The following AGBL4 variants were observed in gnomAD, a reference collection of about 807,000 sequenced individuals.
AGBL4 encodes AGBL carboxypeptidase 4.
In AGBL4, 58 loss-of-function variants were observed where a neutral mutation model predicts 66.4. The observed-to-expected ratio is 0.87, with a 90% CI of 0.71 to 1.09. AGBL4 has a LOEUF of 1.09. Among genes scored for constraint, AGBL4 ranks in the 50% least tolerant of loss-of-function variants. The pLI, the probability that AGBL4 is intolerant of heterozygous loss-of-function variation, is 0.00. For missense variants in AGBL4, 579 were observed against 631.0 expected, an observed-to-expected ratio of 0.92 and a Z score of 0.88; for synonymous variants, 234 against 222.9, an observed-to-expected ratio of 1.05 and a Z score of -0.44.
At chr1:48,888,020 C>A (rs1650541949) in intron 5 of AGBL4, among the ~76,000 whole-genome samples, 1 of 152,100 alleles carries the variant, frequency 6.6e-6, no homozygotes, top group Non-Finnish European at 1.5e-5. Flanking sequence ...CCAAAAGCAA[C>A]CCTTGCAGTT....
chr1:50,014,171 G>A (rs1661757925), intron 1 of AGBL4, among the ~76,000 whole-genome samples: 1 of 152,044 alleles, frequency 6.6e-6, no homozygotes, highest in Admixed American at 6.5e-5. Flanking sequence ...AAGAGATCGA[G>A]ACCATCATGG....
intron 6 of AGBL4, among the ~76,000 whole-genome samples, chr1:48,788,974 T>C (rs1158596583): frequency 6.6e-6 from 1 of 152,172 alleles, no homozygotes; most frequent in East Asian, 1.9e-4. Context: ...AGGACTAAAA[T>C]CTATTGAACC....
At chr1:49,562,618 T>C (rs555017476) in intron 3 of AGBL4, among the ~76,000 whole-genome samples, 1 of 152,278 alleles carries the variant, frequency 6.6e-6, no homozygotes, top group East Asian at 1.9e-4. Context: ...CAGATATTTG[T>C]AGATATATGG....
chr1:48,742,767 G>T, intron 6 of AGBL4: 1 of 1,596,392 alleles, frequency 6.3e-7, no homozygotes, highest in South Asian at 1.1e-5. Context: ...GATCAATGGC[G>T]GGACCTAGGC....
At chr1:49,305,023 T>TA (rs1284920532) in intron 3 of AGBL4, among the ~76,000 whole-genome samples, 1 of 152,192 alleles carries the variant, frequency 6.6e-6, no homozygotes, top group African/African-American at 2.4e-5. Flanking sequence ...CACAATGCTG[T>TA]AAAATAAGAA....
chr1:49,222,650 G>A (rs982466020), intron 4 of AGBL4, among the ~76,000 whole-genome samples: 2 of 152,104 alleles, frequency 1.3e-5, no homozygotes, highest in Non-Finnish European at 2.9e-5. Context: ...AACAAATCCT[G>A]TGAAAGCCAA....
chr1:49,934,042 T>A (rs1653660758), intron 1 of AGBL4, among the ~76,000 whole-genome samples: 1 of 152,148 alleles, frequency 6.6e-6, no homozygotes, highest in Admixed American at 6.5e-5. Flanking sequence ...AGGACACATG[T>A]GGGCTGAAAA....
At chr1:49,121,147 C>T (rs540011797) in intron 4 of AGBL4, among the ~76,000 whole-genome samples, 7 of 152,128 alleles carry the variant, frequency 4.6e-5, no homozygotes, top group Admixed American at 1.3e-4. Context: ...GTGATGGGTT[C>T]GAACATGCTC....
At chr1:49,753,290 C>T (rs756640676) in intron 2 of AGBL4, among the ~76,000 whole-genome samples, 7 of 152,130 alleles carry the variant, frequency 4.6e-5, no homozygotes, top group Non-Finnish European at 1.0e-4. Context: ...TCAGCATTTG[C>T]TTGTCTGTGA....
intron 1 of AGBL4, among the ~76,000 whole-genome samples, chr1:49,923,019 T>A (rs1342804812): frequency 1.3e-5 from 2 of 152,174 alleles, no homozygotes; most frequent in African/African-American, 4.8e-5. Flanking sequence ...AAGACAATCC[T>A]AAGCAAAAAC....
At chr1:49,266,798 AC>A (rs1643930181) in intron 3 of AGBL4, among the ~76,000 whole-genome samples, 1 of 152,194 alleles carries the variant, frequency 6.6e-6, no homozygotes, top group South Asian at 2.1e-4. Flanking sequence ...AAGAGATCAG[AC>A]TGTGTCATTA....
At chr1:49,222,640 A>G (rs1211106702) in intron 4 of AGBL4, among the ~76,000 whole-genome samples, 1 of 152,182 alleles carries the variant, frequency 6.6e-6, no homozygotes. Flanking sequence ...AAAACATTAA[A>G]ACAAATCCTG....
intron 11 of AGBL4, among the ~76,000 whole-genome samples, chr1:48,558,909 A>G (rs1225414136): frequency 2.6e-5 from 4 of 152,102 alleles, no homozygotes; most frequent in African/African-American, 9.7e-5. Context: ...GTTTCATCAC[A>G]CCTCTTAATT....
At chr1:48,771,842 G>C (rs1168783288) in intron 6 of AGBL4, among the ~76,000 whole-genome samples, 1 of 152,200 alleles carries the variant, frequency 6.6e-6, no homozygotes, top group East Asian at 1.9e-4. Flanking sequence ...AAAGCAATAA[G>C]AACATGGCTT....
intron 1 of AGBL4, among the ~76,000 whole-genome samples, chr1:49,915,646 C>G (rs763028717): frequency 6.6e-6 from 1 of 152,194 alleles, no homozygotes; most frequent in Non-Finnish European, 1.5e-5. Context: ...TTTGTAGACG[C>G]CACCTCTTGG....
intron 4 of AGBL4, among the ~76,000 whole-genome samples, chr1:49,072,536 A>G (rs942399294): frequency 2.6e-5 from 4 of 152,170 alleles, no homozygotes; most frequent in Admixed American, 2.6e-4. Context: ...TCTGGGTTGA[A>G]AATTCTTTCC....
chr1:49,484,808 C>T (rs1354548532), intron 3 of AGBL4, among the ~76,000 whole-genome samples: 2 of 152,008 alleles, frequency 1.3e-5, no homozygotes, highest in Non-Finnish European at 2.9e-5. Flanking sequence ...TCTCATTCTT[C>T]ATGATGTGAT....
chr1:48,982,274 C>T (rs1659833559), intron 5 of AGBL4, among the ~76,000 whole-genome samples: 1 of 152,110 alleles, frequency 6.6e-6, no homozygotes, highest in South Asian at 2.1e-4. Context: ...TATACATGTG[C>T]CATGTTAATG....
chr1:48,677,995 G>A (rs1401903667), intron 6 of AGBL4, among the ~76,000 whole-genome samples: 1 of 152,246 alleles, frequency 6.6e-6, no homozygotes, highest in South Asian at 2.1e-4. Flanking sequence ...CCAGGACACA[G>A]TTTCTGACTG....
Sources: allele counts gnomAD v4.1 joint callset (sites outside exome capture counted in the v4.1 genomes callset), GRCh38; gene constraint gnomAD v4.1.1; transcripts MANE v1.5; gene names NCBI Gene and HGNC (gene_info 2026-07-23, HGNC 2026-07-21).